The following RARS2 variants were observed in gnomAD, a reference collection of about 807,000 sequenced individuals.
RARS2 encodes the protein arginyl-tRNA synthetase 2, mitochondrial.
Under a neutral mutation model 88.5 loss-of-function variants are expected in RARS2, and 67 were observed. The ratio of observed to expected loss-of-function variants is 0.76; its 90% CI spans 0.62 to 0.93. The LOEUF is 0.93. Ranked by LOEUF, RARS2 falls within the 40% of genes least tolerant of loss-of-function variation. The pLI is 0.00. For missense variants in RARS2, 664 were observed against 684.2 expected (o/e 0.97, Z 0.33); for synonymous variants, 239 against 230.3 (o/e 1.04, Z -0.34).
At position 87,531,070 on chromosome 6, in the gene RARS2, G is replaced by C. The variant is rs2295087; in HGVS notation, c.613-128C>G. 6.3e-4 allele frequency: 906 copies of C among 1,447,808 alleles called. 9 individuals carry two copies. In the East Asian group the frequency reaches 0.017, roughly 27 times the overall value. The allele number at this position is 1,447,808 out of a possible 1,614,324, so 89.7% of individuals were successfully genotyped here. On this transcript the variant is annotated intron_variant, in intron 8 of 19. Transcript: ENST00000369536. ...AATTTTCCAAGTTGGGTACATTACA[G>C]AGTGTAACTTTTTCTTTTTTGCCAT...
Position 87,555,481 on chromosome 6 carries a change from C to T in RARS2, c.322G>A (p.Asp108Asn). The change falls in exon 5 of 20, where the codon GAT (aspartate) becomes AAT (asparagine). Residue 108 changes from aspartate to asparagine, a missense_variant. Asp to Asn is a conservative substitution (Grantham distance 23). Transcript: ENST00000369536. ...CTTTTTAATCCATATTTTGAGCCAT[C>T]TTCAATTACTTGTTGTAGCACTGTC... Reference protein sequence around the residue: ...TKTVLQQVIEDGSKYGLKSEL... With the variant: ...TKTVLQQVIENGSKYGLKSEL... The T allele has an allele frequency of 6.2e-7, 1 of 1,613,408 alleles. No homozygotes were observed. The highest frequency in any genetic ancestry group is 8.5e-7 in the Non-Finnish European group (1 of 1,179,442).
rs1250386132 is a variant in RARS2, at chr6:87,587,392, A to G, written c.36+2530T>C. Among the ~76,000 whole-genome samples, 4 of 152,230 alleles carry G rather than the reference A, an allele frequency of 2.6e-5. 1 individual carries two copies. The highest frequency in any genetic ancestry group is 4.1e-4 in the South Asian group (2 of 4,824). ...CCCCATGTCCTAACGTATTGAAAAT[A>G]TTATTATTTATCCTCAAGTTTCAGA... On this transcript the variant is annotated intron_variant, in intron 1 of 19. Transcript: ENST00000369536.
chr6:87,558,460 G>C (rs1473711964), intron 4 of RARS2, among the ~76,000 whole-genome samples: 2 of 152,090 alleles, frequency 1.3e-5, no homozygotes, highest in African/African-American at 2.4e-5. Context: ...TTAATAACTG[G>C]TTCCTCTGCC....
rs759898816 is a variant in RARS2 at position 87,589,960 on chromosome 6, C to G, written c.-3G>C. The stretch of plus-strand genomic sequence containing the variant: ...GCGCGGCGAAAGCCGCACGCCATGT[C>G]CACCTCTACGGAAGTGCGCCGCAGT... On this transcript the variant is annotated 5_prime_UTR_variant, in exon 1 of 20. Transcript: ENST00000369536. 2 of 1,614,240 alleles carry G rather than the reference C, an allele frequency of 1.2e-6. No homozygotes were observed. The highest frequency in any genetic ancestry group is 8.5e-7 in the Non-Finnish European group (1 of 1,180,044).
intron 5 of RARS2, among the ~76,000 whole-genome samples, chr6:87,553,324 AC>A (rs1784904198): frequency 6.6e-6 from 1 of 152,140 alleles, no homozygotes; most frequent in African/African-American, 2.4e-5. Flanking sequence ...AAGTAGAAGA[AC>A]CACTGGCCTG....
At chr6:87,517,176 G>T (rs149709279) in intron 17 of RARS2, among the ~76,000 whole-genome samples, 299 of 151,984 alleles carry the variant, frequency 2.0e-3, no homozygotes, top group African/African-American at 7.0e-3. Context: ...TACCTGGGAG[G>T]CTAAGGCAGA....
chr6:87,517,311 C>G (rs552170297), intron 17 of RARS2, among the ~76,000 whole-genome samples: 21 of 152,112 alleles, frequency 1.4e-4, no homozygotes, highest in Non-Finnish European at 2.5e-4. Flanking sequence ...TATGAAAAAA[C>G]TGTGTGTACA....
rs752730020 is a variant in RARS2 at position 87,521,416 on chromosome 6, T to C, written c.1035+48A>G. The C allele has an allele frequency of 5.0e-6, 7 of 1,392,604 alleles. No individual in the cohort carries two copies. The Admixed American group carries it at 6.7e-5, about 13-fold the overall frequency. 86.3% of individuals were successfully genotyped at this position (1,392,604 alleles called of 1,614,324 possible). On this transcript the variant is annotated intron_variant, in intron 12 of 19. Transcript: ENST00000369536. ...ACATGGCATCCAATTTCTACCTCTG[T>C]AGTTTTCATGAGTTAAGAGATCATA...
rs188792258 is a variant in RARS2, at chr6:87,580,423, C to A, written c.36+9499G>T. 1.2e-3 allele frequency among the ~76,000 whole-genome samples: 177 copies of A among 151,972 alleles called. 1 individual carries two copies. Among genetic ancestry groups the A allele is most frequent in the Admixed American group, 0.01 (154 of 15,272 alleles). ...TAACATCCACAAAATTAGGCACAGT[C>A]CTTGAGAAGTAAACTAAACAACACA... On this transcript the variant is annotated intron_variant, in intron 1 of 19. Coordinates refer to ENST00000369536, the MANE Select transcript of RARS2 (RefSeq NM_020320.5).
intron 18 of RARS2, 68 bp from the exon 19 acceptor site, chr6:87,515,088 T>G (rs531810394): frequency 1.7e-6 from 2 of 1,174,926 alleles, no homozygotes; most frequent in Non-Finnish European, 2.6e-6. Flanking sequence ...ATGAGCTTGA[T>G]ATCTAATCTT....
intron 5 of RARS2, 152 bp downstream of exon 5, chr6:87,555,256 T>C (rs1344279204): frequency 2.7e-5 from 16 of 592,094 alleles, no homozygotes; most frequent in East Asian, 5.6e-5. Context: ...AGTTCAATGA[T>C]TGATTCACTG....
Position 87,530,930 on chromosome 6 carries a change from C to G in RARS2, c.625G>C (p.Val209Leu). Residue 209 changes from valine to leucine, a missense_variant, in exon 9 of 20, where the codon GTT becomes CTT. Val to Leu is a conservative substitution (Grantham distance 32). Transcript: ENST00000369536. ...TTATCATCTGCTGCTTCTTTATTAA[C>G]TTGTACATAAACCTAAAAGTACAAT... Reference protein sequence around the residue: ...LQHLFEVYVQVNKEAADDKSV... With the variant: ...LQHLFEVYVQLNKEAADDKSV... 2.5e-6 allele frequency: 4 copies of G among 1,614,086 alleles called. No individual in the cohort carries two copies. The highest frequency in any genetic ancestry group is 3.4e-6 in the Non-Finnish European group (4 of 1,180,006).
At chr6:87,539,628 G>C (rs1780280831) in intron 8 of RARS2, among the ~76,000 whole-genome samples, 2 of 152,280 alleles carry the variant, frequency 1.3e-5, no homozygotes, top group African/African-American at 4.8e-5. Context: ...GACAAATACA[G>C]AATGTGAGGT....
intron 5 of RARS2, among the ~76,000 whole-genome samples, chr6:87,549,779 T>C (rs549802750): frequency 6.6e-6 from 1 of 152,290 alleles, no homozygotes; most frequent in East Asian, 1.9e-4. Flanking sequence ...TCATATGTGC[T>C]TTTATCTTTT....
chr6:87,552,044 C>T (rs575795319), intron 5 of RARS2, among the ~76,000 whole-genome samples: 1 of 152,128 alleles, frequency 6.6e-6, no homozygotes, highest in Non-Finnish European at 1.5e-5. Flanking sequence ...CTAAATCAGA[C>T]AAAATATATG....
At chr6:87,559,555 A>T (rs1041429369) in intron 4 of RARS2, among the ~76,000 whole-genome samples, 2 of 150,932 alleles carry the variant, frequency 1.3e-5, no homozygotes, top group Non-Finnish European at 2.9e-5. Context: ...CAGCAGTGTT[A>T]TCCTAGTTCA....
At chr6:87,555,590 T>C in intron 4 of RARS2, 85 bp from the exon 5 acceptor site, 2 of 1,056,438 alleles carry the variant, frequency 1.9e-6, no homozygotes, top group Non-Finnish European at 2.9e-6. Context: ...TGTTGCCAAT[T>C]TGTTCACTCT....
intron 1 of RARS2, chr6:87,584,640 A>G (rs1236033211): frequency 2.3e-6 from 1 of 427,012 alleles, no homozygotes; most frequent in African/African-American, 2.1e-5. Context: ...CATGGTAAGC[A>G]GGTCTATACA....
At chr6:87,568,806 T>G (rs950672473) in intron 2 of RARS2, among the ~76,000 whole-genome samples, 2 of 152,208 alleles carry the variant, frequency 1.3e-5, no homozygotes, top group Non-Finnish European at 2.9e-5. Context: ...GTGAATAAAA[T>G]ACAAGGACAG....
Sources: allele counts gnomAD v4.1 joint callset (sites outside exome capture counted in the v4.1 genomes callset), GRCh38; gene constraint gnomAD v4.1.1; transcripts MANE v1.5; gene names NCBI Gene and HGNC (gene_info 2026-07-23, HGNC 2026-07-21).